PPP4R2: variants seen among roughly 807,000 people sequenced by gnomAD.
The protein encoded by PPP4R2 is protein phosphatase 4 regulatory subunit 2, also known as serine/threonine-protein phosphatase 4 regulatory subunit 2.
PPP4R2 carries 13 observed loss-of-function variants against 47.2 expected under a neutral mutation model. That is an observed-to-expected ratio of 0.28 (90% CI 0.18 to 0.44). PPP4R2 has a LOEUF of 0.44. Ranked by LOEUF, PPP4R2 falls within the 20% of genes least tolerant of loss-of-function variation. The pLI is 1.00. For synonymous variants in PPP4R2, 151 were observed against 163.3 expected, an observed-to-expected ratio of 0.92 and a Z score of 0.57; for missense variants, 421 against 491.2, an observed-to-expected ratio of 0.86 and a Z score of 1.35.
In PPP4R2 at chr3:73,059,233, T is replaced by TA. The variant is rs1702792767; in HGVS notation, c.381+104dup. On this transcript the variant is annotated intron_variant, in intron 4 of 8. Coordinates refer to ENST00000356692, the MANE Select transcript of PPP4R2 (RefSeq NM_174907.4). ...CTGTTTCGGGTACCACTTCTTGAAA[T>TA]ATGTTTTTCAGCCTACCTTGAGTTT... The TA allele has an allele frequency of 6.8e-6, 4 of 584,016 alleles. No individual in the cohort carries two copies. The Admixed American group carries it at 1.5e-4, about 22-fold the overall frequency. 36.2% of individuals were successfully genotyped at this position (584,016 alleles called of 1,614,324 possible). A position where few individuals can be genotyped will look rare whatever the true frequency, so the allele number is the denominator to read the frequency against.
chr3:73,010,495 G>A (rs1701700290), intron 2 of PPP4R2, among the ~76,000 whole-genome samples: 2 of 151,952 alleles, frequency 1.3e-5, no homozygotes, highest in South Asian at 2.1e-4. Context: ...TTGTTTGACC[G>A]TTGCTTAGAA....
Position 73,011,493 on chromosome 3 carries a change from AT to A in PPP4R2, c.116+13338del, listed in dbSNP as rs1231628259. On this transcript the variant is annotated intron_variant, in intron 2 of 8. Transcript: ENST00000356692. ...GAGACAGTGTCTCAGAAAAAAAAAA[AT>A]TTGGAGCTTTTTGCTTTTGTTAGGA... Among the ~76,000 whole-genome samples the A allele has an allele frequency of 4.0e-5, 6 of 150,852 alleles. No individual in the cohort carries two copies. In the East Asian group the frequency reaches 6.0e-4, roughly 15 times the overall value.
At position 72,996,820 on chromosome 3, in the gene PPP4R2, G is replaced by C. The variant is rs930115104; in HGVS notation, c.-218G>C. ...CGCGCGGTGACGTACCGGGCGCCAT[G>C]TTGGAGGGTTGGTGGTAGCGGCTTG... On this transcript the variant is annotated 5_prime_UTR_variant, in exon 1 of 9. The change abolishes an upstream ATG in the 5' untranslated region. Coordinates refer to ENST00000356692, the MANE Select transcript of PPP4R2 (RefSeq NM_174907.4). The C allele has an allele frequency of 5.9e-5, 23 of 390,388 alleles. No homozygotes were observed. The highest frequency in any genetic ancestry group is 4.6e-4 in the African/African-American group (22 of 48,204). 24.2% of individuals were successfully genotyped at this position (390,388 alleles called of 1,614,324 possible).
At chr3:73,038,543 G>A (rs929042634) in intron 2 of PPP4R2, among the ~76,000 whole-genome samples, 2 of 151,840 alleles carry the variant, frequency 1.3e-5, no homozygotes, top group African/African-American at 4.8e-5. Flanking sequence ...CTACAGGTGC[G>A]TGCCACCAAG....
rs1701895163 is a variant in PPP4R2, at chr3:73,018,456, T to TGTTAA, written c.116+20302_116+20303insAGTTA. 3.5e-5 allele frequency among the ~76,000 whole-genome samples: 4 copies of TGTTAA among 114,810 alleles called. No individual in the cohort carries two copies. The East Asian group carries it at 8.3e-4, about 24-fold the overall frequency. 75.3% of individuals were successfully genotyped at this position (114,810 alleles called of 152,430 possible). A position where few individuals can be genotyped will look rare whatever the true frequency, so the allele number is the denominator to read the frequency against. ...ATGTTATGTTATGTTATGTTATTTA[T>TGTTAA]GTTATGTTAGTATCCGAAACAGGGT... On this transcript the variant is annotated intron_variant, in intron 2 of 8. Transcript: ENST00000356692.
chr3:73,064,377 C>G lies in PPP4R2; in HGVS notation c.638+231C>G, dbSNP rs4676901. Among the ~76,000 whole-genome samples the G allele has an allele frequency of 0.53, 80,736 of 151,944 alleles. 21,652 individuals carry two copies. Among genetic ancestry groups the G allele is most frequent in the South Asian group, 0.62 (2,985 of 4,828 alleles). Reference sequence around the variant, plus strand: ...CTGTTTATGTAGGGTCTAAAAGTAACGTAGATATGATGATCCATTTCATTT... The same window carrying G: ...CTGTTTATGTAGGGTCTAAAAGTAAGGTAGATATGATGATCCATTTCATTT... On this transcript the variant is annotated intron_variant, in intron 7 of 8. Transcript: ENST00000356692.
chr3:73,059,795 C>T (rs1484762778), intron 4 of PPP4R2, among the ~76,000 whole-genome samples: 9 of 151,766 alleles, frequency 5.9e-5, no homozygotes, highest in African/African-American at 2.2e-4. Flanking sequence ...ACTAGCCGGG[C>T]GTGGTGGTGC....
chr3:73,035,719 A>G (rs2107286163), intron 2 of PPP4R2, among the ~76,000 whole-genome samples: 1 of 151,894 alleles, frequency 6.6e-6, no homozygotes, highest in East Asian at 2.0e-4. Flanking sequence ...CTGCCTCCTG[A>G]GTTCAAGTGA....
At position 73,002,634 on chromosome 3, in the gene PPP4R2, CTTTTTT is replaced by C. The variant is rs1173734970; in HGVS notation, c.116+4496_116+4501del. On this transcript the variant is annotated intron_variant, in intron 2 of 8. Coordinates refer to ENST00000356692, the MANE Select transcript of PPP4R2 (RefSeq NM_174907.4). The stretch of plus-strand genomic sequence containing the variant: ...CTTTTCTTTTCTTTTCTTTTCTTTT[CTTTTTT>C]TTTTTTTTTTTTTTTTTTTGAGACG... Among the ~76,000 whole-genome samples, 159 of 41,138 alleles carry C rather than the reference CTTTTTT, an allele frequency of 3.9e-3. 1 individual carries two copies. Among genetic ancestry groups the C allele is most frequent in the Non-Finnish European group, 5.3e-3 (122 of 22,986 alleles). The allele number at this position is 41,138 out of a possible 152,430, so 27.0% of individuals were successfully genotyped here.
chr3:73,062,139 G>A (rs1307890277), intron 5 of PPP4R2: 2 of 1,547,478 alleles, frequency 1.3e-6, no homozygotes, highest in African/African-American at 2.8e-5. Flanking sequence ...TTTTGTTTGG[G>A]TCTGTGACAG....
intron 2 of PPP4R2, among the ~76,000 whole-genome samples, chr3:73,038,555 C>G (rs1170571808): frequency 6.6e-6 from 1 of 151,988 alleles, no homozygotes; most frequent in Non-Finnish European, 1.5e-5. Flanking sequence ...GCCACCAAGC[C>G]TGGCTAATTT....
Position 73,065,153 on chromosome 3 carries a change from C to G in PPP4R2, c.928+12C>G. On this transcript the variant is annotated intron_variant, in intron 8 of 8. Coordinates refer to ENST00000356692, the MANE Select transcript of PPP4R2 (RefSeq NM_174907.4). Reference sequence around the variant, plus strand: ...AGAGGAAGAAGAAGGTATTTAGAGACCATCTGTAAAAGGGTGGAGTAAGGA... The same window carrying G: ...AGAGGAAGAAGAAGGTATTTAGAGAGCATCTGTAAAAGGGTGGAGTAAGGA... 1 of 1,586,830 alleles carries G rather than the reference C, an allele frequency of 6.3e-7. No individual in the cohort carries two copies. Among genetic ancestry groups the G allele is most frequent in the Middle Eastern group, 1.7e-4 (1 of 5,908 alleles).
Position 72,998,172 on chromosome 3 carries a change from A to T in PPP4R2, c.116+14A>T. On this transcript the variant is annotated intron_variant, in intron 2 of 8. Coordinates refer to ENST00000356692, the MANE Select transcript of PPP4R2 (RefSeq NM_174907.4). Reference sequence around the variant, plus strand: ...TGGAGAAACAATGTGAGTTGAAAACATGCATTTGTCGTTATAGACCAGTGC... The same window carrying T: ...TGGAGAAACAATGTGAGTTGAAAACTTGCATTTGTCGTTATAGACCAGTGC... The T allele has an allele frequency of 1.6e-5, 25 of 1,572,706 alleles. No homozygotes were observed. The highest frequency in any genetic ancestry group is 2.1e-5 in the Non-Finnish European group (24 of 1,150,490).
chr3:73,023,085 C>G (rs1461060885), intron 2 of PPP4R2, among the ~76,000 whole-genome samples: 2 of 151,992 alleles, frequency 1.3e-5, no homozygotes, highest in Admixed American at 1.3e-4. Context: ...TACTTTGTGA[C>G]TGTTTAAGAG....
intron 5 of PPP4R2, 107 bp from the exon 6 acceptor site, chr3:73,063,566 G>T: frequency 1.5e-6 from 1 of 648,952 alleles, no homozygotes. Flanking sequence ...GGAGGTTGCA[G>T]TGAGCTGAGA....
chr3:73,008,124 G>T (rs1377877906), intron 2 of PPP4R2, among the ~76,000 whole-genome samples: 1 of 136,646 alleles, frequency 7.3e-6, no homozygotes, highest in East Asian at 2.2e-4. Flanking sequence ...GCTTGGTATA[G>T]TGGTTACGTT....
chr3:73,018,633 C>G (rs979897944), intron 2 of PPP4R2, among the ~76,000 whole-genome samples: 1 of 151,964 alleles, frequency 6.6e-6, no homozygotes, highest in African/African-American at 2.4e-5. Context: ...TCTTACCTTT[C>G]CAGTCTTCTC....
chr3:72,998,875 C>G (rs1284274335), intron 2 of PPP4R2, among the ~76,000 whole-genome samples: 1 of 151,344 alleles, frequency 6.6e-6, no homozygotes, highest in Admixed American at 6.6e-5. Context: ...TCTTTGATGA[C>G]TTCTTTTTGT....
In PPP4R2 at chr3:73,014,908, T is replaced by C. The variant is rs138781140; in HGVS notation, c.116+16750T>C. On this transcript the variant is annotated intron_variant, in intron 2 of 8. Transcript: ENST00000356692. ...TTAATGAGATGGGGTCTTGCTGTGT[T>C]GCCCAGGCTGGCCTCGAAACCCTGG... The C allele has an allele frequency of 5.6e-4, 371 of 663,020 alleles. 2 individuals are homozygous for C. In the East Asian group the frequency reaches 0.01, roughly 18 times the overall value. 41.1% of individuals were successfully genotyped at this position (663,020 alleles called of 1,614,324 possible).
Sources: allele counts gnomAD v4.1 joint callset (sites outside exome capture counted in the v4.1 genomes callset), GRCh38; gene constraint gnomAD v4.1.1; transcripts MANE v1.5; gene names NCBI Gene and HGNC (gene_info 2026-07-23, HGNC 2026-07-21).